GPHN: variants seen among roughly 807,000 people sequenced by gnomAD.
The protein encoded by GPHN is gephyrin.
GPHN carries 17 observed loss-of-function variants against 95.5 expected under a neutral mutation model. The observed-to-expected ratio is 0.18, with a 90% CI of 0.12 to 0.27. GPHN has a LOEUF of 0.27. Among genes scored for constraint, GPHN ranks in the 10% least tolerant of loss-of-function variants. GPHN has a pLI of 1.00. For missense variants in GPHN, 660 were observed against 978.1 expected (o/e 0.67, Z 4.34); for synonymous variants, 320 against 322.5 (o/e 0.99, Z 0.08).
chr14:66,512,468 T>A (rs1417677700), intron 1 of GPHN, among the ~76,000 whole-genome samples: 1 of 151,810 alleles, frequency 6.6e-6, no homozygotes, highest in East Asian at 1.9e-4. Flanking sequence ...AAGATGATAA[T>A]CCATTACCTA....
chr14:67,070,720 A>ATATATATATATATATATATATATGTG (rs1183283173), intron 11 of GPHN, among the ~76,000 whole-genome samples: 4 of 141,166 alleles, frequency 2.8e-5, no homozygotes, highest in African/African-American at 8.4e-5. Context: ...AAAAAAATAT[A>ATATATATATATATATATATATATGTG]TATATATATC....
chr14:67,229,614 C>T, the GPHN span, among the ~76,000 whole-genome samples: 14 of 151,316 alleles, frequency 9.3e-5, no homozygotes, highest in Admixed American at 4.6e-4. Context: ...TTGAGATATA[C>T]CATAAGTGTA....
the GPHN span, among the ~76,000 whole-genome samples, chr14:67,260,821 G>A: frequency 6.6e-6 from 1 of 152,172 alleles, no homozygotes; most frequent in South Asian, 2.1e-4. Context: ...CCCAAAGGAG[G>A]TGGGAAATTG....
rs1170265409 is a variant in GPHN at position 66,932,459 on chromosome 14, T to TGTTTTG, written c.828+8167_828+8168insGTTTTG. On this transcript the variant is annotated intron_variant, in intron 8 of 22. Coordinates refer to ENST00000478722, the MANE Select transcript of GPHN (RefSeq NM_020806.5). ...CCAAGACCAGGTTTTTTTTTTTTTT[T>TGTTTTG]TTTTTTTTTTTTTTTTTTTTTCAGT... Among the ~76,000 whole-genome samples the TGTTTTG allele has an allele frequency of 1.7e-3, 199 of 116,424 alleles. 2 individuals carry two copies. Among genetic ancestry groups the TGTTTTG allele is most frequent in the Non-Finnish European group, 3.4e-3 (178 of 52,538 alleles). The allele number at this position is 116,424 out of a possible 152,430, so 76.4% of individuals were successfully genotyped here. A position where few individuals can be genotyped will look rare whatever the true frequency, so the allele number is the denominator to read the frequency against.
chr14:67,069,450 A>G (rs1287447543), intron 11 of GPHN, among the ~76,000 whole-genome samples: 2 of 152,214 alleles, frequency 1.3e-5, no homozygotes, highest in Non-Finnish European at 2.9e-5. Context: ...ATGCTCAGGC[A>G]GCTAACTAGC....
the GPHN span, chr14:67,447,115 A>C: frequency 6.6e-6 from 1 of 152,226 alleles, no homozygotes; most frequent in Non-Finnish European, 1.5e-5. Flanking sequence ...TATTTCTCAC[A>C]GTTCTGGAGA....
intron 17 of GPHN, among the ~76,000 whole-genome samples, chr14:67,135,033 T>C (rs1414283125): frequency 2.1e-5 from 3 of 145,442 alleles, no homozygotes; most frequent in Non-Finnish European, 3.0e-5. Context: ...AATCTCAGCT[T>C]ACTGCAACCT....
chr14:67,136,285 T>C (rs1279183071), intron 17 of GPHN, among the ~76,000 whole-genome samples: 1 of 152,104 alleles, frequency 6.6e-6, no homozygotes, highest in Non-Finnish European at 1.5e-5. Flanking sequence ...GGATCATGAG[T>C]GGCAAAAGGA....
At chr14:67,349,004 C>A in the GPHN span, 3 of 1,596,216 alleles carry the variant, frequency 1.9e-6, no homozygotes, top group Non-Finnish European at 2.6e-6. Context: ...CCTCTTTTCT[C>A]CCCAAAGGGT....
the GPHN span, among the ~76,000 whole-genome samples, chr14:67,196,571 A>G: frequency 3.9e-5 from 6 of 152,182 alleles, no homozygotes; most frequent in Non-Finnish European, 7.3e-5. Context: ...GTTTTCAGGT[A>G]ATCGTAAGGA....
chr14:67,177,056 G>GT (rs575088339), intron 21 of GPHN, among the ~76,000 whole-genome samples: 20 of 152,164 alleles, frequency 1.3e-4, no homozygotes, highest in Non-Finnish European at 2.6e-4. Context: ...TTTTTGAAGG[G>GT]TTTTTTGTGT....
chr14:66,619,420 T>C (rs976468279), intron 1 of GPHN, among the ~76,000 whole-genome samples: 15 of 152,068 alleles, frequency 9.9e-5, no homozygotes, highest in African/African-American at 3.6e-4. Context: ...AAAAGGTATC[T>C]AGTTGTATCT....
the GPHN span, among the ~76,000 whole-genome samples, chr14:67,518,301 G>T: frequency 1.3e-5 from 2 of 152,204 alleles, no homozygotes; most frequent in Non-Finnish European, 2.9e-5. Context: ...ATCCTAGTTG[G>T]ATGTCTTAAG....
intron 1 of GPHN, among the ~76,000 whole-genome samples, chr14:66,538,340 A>G (rs2059216997): frequency 6.6e-6 from 1 of 150,912 alleles, no homozygotes; most frequent in Non-Finnish European, 1.5e-5. Context: ...TTTTTTTATC[A>G]GCCTTGGAAA....
the GPHN span, chr14:67,691,391 T>C: frequency 1.6e-6 from 1 of 607,288 alleles, no homozygotes; most frequent in South Asian, 2.1e-5. Context: ...TCTATTGTTT[T>C]TCATTTTAAG....
chr14:66,793,587 A>G (rs1264766726), intron 3 of GPHN, among the ~76,000 whole-genome samples: 1 of 152,162 alleles, frequency 6.6e-6, no homozygotes, highest in African/African-American at 2.4e-5. Context: ...ATGTGCATAT[A>G]CATATATATA....
the GPHN span, among the ~76,000 whole-genome samples, chr14:67,547,074 C>T: frequency 6.6e-6 from 1 of 152,124 alleles, no homozygotes; most frequent in African/African-American, 2.4e-5. Context: ...ACCTTCTTGT[C>T]TTCAAGTCTG....
chr14:66,584,701 C>T (rs1340803739), intron 1 of GPHN, among the ~76,000 whole-genome samples: 1 of 152,060 alleles, frequency 6.6e-6, no homozygotes, highest in Non-Finnish European at 1.5e-5. Flanking sequence ...TATTGATTTT[C>T]GTATGTTGAG....
chr14:66,612,045 A>G (rs1804550466), intron 1 of GPHN, among the ~76,000 whole-genome samples: 1 of 151,902 alleles, frequency 6.6e-6, no homozygotes, highest in African/African-American at 2.4e-5. Flanking sequence ...TCTTCGCCTA[A>G]TACTTAAACT....
Sources: allele counts gnomAD v4.1 joint callset (sites outside exome capture counted in the v4.1 genomes callset), GRCh38; gene constraint gnomAD v4.1.1; transcripts MANE v1.5; gene names NCBI Gene and HGNC (gene_info 2026-07-23, HGNC 2026-07-21).